RAPGEF5: variants seen among roughly 807,000 people sequenced by gnomAD.
RAPGEF5 encodes M-Ras-regulated GEF.
In RAPGEF5, 65 loss-of-function variants were observed where a neutral mutation model predicts 125.2. The observed-to-expected ratio is 0.52, with a 90% CI of 0.43 to 0.64. The LOEUF (loss-of-function observed/expected upper bound fraction) is 0.64, where lower values mean the gene tolerates loss of function less well. RAPGEF5 is among the 30% of genes least tolerant of loss of function. The pLI is 0.00. For missense variants in RAPGEF5, 958 were observed against 1,048.1 expected (o/e 0.91, Z 1.19); for synonymous variants, 391 against 385.9 (o/e 1.01, Z -0.16).
At chr7:22,329,490 A>G (rs1395037710) in intron 1 of RAPGEF5, among the ~76,000 whole-genome samples, 1 of 152,242 alleles carries the variant, frequency 6.6e-6, no homozygotes, top group East Asian at 1.9e-4. Context: ...AGTCTAGTCC[A>G]GACACATGAT....
intron 17 of RAPGEF5, among the ~76,000 whole-genome samples, chr7:22,151,989 A>C (rs4640962): frequency 0.98 from 148,641 of 152,234 alleles, 72,575 homozygotes; most frequent in East Asian, 0.99. Context: ...TCCTAACTAC[A>C]AAATGCATAT....
At chr7:22,222,491 G>A (rs1030634172) in intron 8 of RAPGEF5, among the ~76,000 whole-genome samples, 6 of 152,088 alleles carry the variant, frequency 3.9e-5, no homozygotes, top group South Asian at 4.1e-4. Context: ...AGTGTGTTTC[G>A]GGCAGAGGAA....
chr7:22,328,315 G>A (rs991193314), intron 1 of RAPGEF5, among the ~76,000 whole-genome samples: 5 of 152,214 alleles, frequency 3.3e-5, no homozygotes, highest in Admixed American at 6.5e-5. Flanking sequence ...TTCATTCACC[G>A]GCTTGAGCCG....
At position 22,122,172 on chromosome 7, in the gene RAPGEF5, G is replaced by T. The variant is rs1782598922; in HGVS notation, c.*234C>A. ...AACCAGCCTTCTCCATCTCAAGAATGCTTCTGACTCTCCTTCTGCCTTCTT... is the reference window on the plus strand; with the variant it reads ...AACCAGCCTTCTCCATCTCAAGAATTCTTCTGACTCTCCTTCTGCCTTCTT... On this transcript the variant is annotated 3_prime_UTR_variant, in exon 26 of 26. Transcript: ENST00000665637. The T allele has an allele frequency of 2.1e-6, 1 of 472,966 alleles. No individual in the cohort carries two copies. Among genetic ancestry groups the T allele is most frequent in the Non-Finnish European group, 3.9e-6 (1 of 259,194 alleles). The allele number at this position is 472,966 out of a possible 1,614,324, so 29.3% of individuals were successfully genotyped here.
chr7:22,146,845 G>A, intron 19 of RAPGEF5, 52 bp downstream of exon 19: 2 of 1,572,474 alleles, frequency 1.3e-6, no homozygotes, highest in Non-Finnish European at 1.7e-6. Context: ...TCTTCACAAA[G>A]AATTCACAGT....
chr7:22,191,665 T>G (rs1785001543), intron 11 of RAPGEF5: 1 of 470,902 alleles, frequency 2.1e-6, no homozygotes. Context: ...CAAGAATAAG[T>G]CACTAGACAG....
intron 11 of RAPGEF5, among the ~76,000 whole-genome samples, chr7:22,188,028 C>T (rs1428020447): frequency 6.6e-6 from 1 of 152,206 alleles, no homozygotes; most frequent in Non-Finnish European, 1.5e-5. Flanking sequence ...CTACACTGGT[C>T]TGTTTATTAC....
intron 1 of RAPGEF5, among the ~76,000 whole-genome samples, chr7:22,338,468 A>G (rs1232437410): frequency 6.6e-6 from 1 of 152,242 alleles, no homozygotes; most frequent in East Asian, 1.9e-4. Context: ...AAACTAAACC[A>G]TAATACAATC....
chr7:22,279,826 T>C (rs778501884), intron 6 of RAPGEF5, among the ~76,000 whole-genome samples: 11 of 152,150 alleles, frequency 7.2e-5, no homozygotes, highest in Non-Finnish European at 1.0e-4. Flanking sequence ...TGGCATTTGT[T>C]CCTAAAGTTT....
At chr7:22,160,966 G>C (rs1351552913) in intron 13 of RAPGEF5, among the ~76,000 whole-genome samples, 1 of 151,286 alleles carries the variant, frequency 6.6e-6, no homozygotes, top group Non-Finnish European at 1.5e-5. Flanking sequence ...GGAGGCTGAG[G>C]CAGGCAGATC....
intron 1 of RAPGEF5, among the ~76,000 whole-genome samples, chr7:22,330,655 A>C (rs997784131): frequency 1.3e-5 from 2 of 152,208 alleles, no homozygotes; most frequent in African/African-American, 4.8e-5. Context: ...TCTGAAGAAA[A>C]CAATTCAGAA....
chr7:22,250,538 G>C (rs1786592693), intron 7 of RAPGEF5, among the ~76,000 whole-genome samples: 1 of 152,136 alleles, frequency 6.6e-6, no homozygotes, highest in South Asian at 2.1e-4. Flanking sequence ...TTGCATGTCT[G>C]TTTATCCAAT....
chr7:22,161,642 C>T (rs1457542689), intron 13 of RAPGEF5, among the ~76,000 whole-genome samples: 1 of 151,654 alleles, frequency 6.6e-6, no homozygotes, highest in East Asian at 1.9e-4. Flanking sequence ...AGTTGCTTTG[C>T]AAACAACATG....
chr7:22,222,057 G>T (rs1363844751), intron 8 of RAPGEF5, among the ~76,000 whole-genome samples: 3 of 152,070 alleles, frequency 2.0e-5, no homozygotes, highest in Admixed American at 6.6e-5. Context: ...GACCAGCCTG[G>T]CCAACATGGT....
At position 22,357,063 on chromosome 7, in the gene RAPGEF5, C is replaced by A; in HGVS notation, c.-3G>T. 5.8e-6 allele frequency: 6 copies of A among 1,039,158 alleles called. No individual in the cohort carries two copies. Among genetic ancestry groups the A allele is most frequent in the Non-Finnish European group, 6.9e-6 (6 of 865,926 alleles). The allele number at this position is 1,039,158 out of a possible 1,614,324, so 64.4% of individuals were successfully genotyped here. ...ACGGAGCCCACGGCCATCCTCATGCCCTGACGGCGCTGCGGCGCCGGGGGC... is the reference window on the plus strand; with the variant it reads ...ACGGAGCCCACGGCCATCCTCATGCACTGACGGCGCTGCGGCGCCGGGGGC... On this transcript the variant is annotated 5_prime_UTR_variant, in exon 1 of 26. Transcript: ENST00000665637.
chr7:22,217,150 C>G (rs1392817148), intron 9 of RAPGEF5, among the ~76,000 whole-genome samples: 1 of 152,200 alleles, frequency 6.6e-6, no homozygotes, highest in Non-Finnish European at 1.5e-5. Context: ...ACTTAACTAG[C>G]TTTGGCCCAG....
chr7:22,193,966 A>G lies in RAPGEF5; in HGVS notation c.1064T>C (p.Val355Ala), dbSNP rs1314809744. Reference sequence around the variant, plus strand: ...TGTGGGGGCTGGGCCACAGCACTGCACTTTCTTCAGCACCAGGACGCTCTG... The same window carrying G: ...TGTGGGGGCTGGGCCACAGCACTGCGCTTTCTTCAGCACCAGGACGCTCTG... ...QDQSVLVLKK[V>A]QCCGPAPTAG... The change falls in exon 10 of 26, where the codon GTG becomes GCG. Residue 355 changes from valine (V) to alanine (A), a missense_variant. By Grantham distance (64) the Val-to-Ala change is moderately conservative. Coordinates refer to ENST00000665637, the MANE Select transcript of RAPGEF5 (RefSeq NM_012294.5). 1 of 1,613,806 alleles carries G rather than the reference A, an allele frequency of 6.2e-7. No individual in the cohort carries two copies. The highest frequency in any genetic ancestry group is 1.3e-5 in the African/African-American group (1 of 74,916).
At chr7:22,351,045 TG>T (rs1208070152) in intron 1 of RAPGEF5, among the ~76,000 whole-genome samples, 11 of 152,212 alleles carry the variant, frequency 7.2e-5, no homozygotes, top group Non-Finnish European at 1.2e-4. Context: ...CAAAGTAAGC[TG>T]GGTGAATTCA....
At chr7:22,354,071 G>GAA (rs34691959) in intron 1 of RAPGEF5, among the ~76,000 whole-genome samples, 8 of 151,184 alleles carry the variant, frequency 5.3e-5, no homozygotes, top group South Asian at 2.1e-4. Flanking sequence ...CCCTGTCTCA[G>GAA]AAAAAAAACA....
Sources: gnomAD v4.1 joint callset for allele counts (sites outside exome capture counted in the v4.1 genomes callset) on GRCh38, gnomAD v4.1.1 for gene constraint, MANE v1.5 for transcripts, NCBI Gene and HGNC (gene_info 2026-07-23, HGNC 2026-07-21) for gene names.